KLHL3: variants seen among roughly 807,000 people sequenced by gnomAD.
The protein encoded by KLHL3 is kelch like family member 3.
Under a neutral mutation model 70.5 loss-of-function variants are expected in KLHL3, and 19 were observed. That is an observed-to-expected ratio of 0.27 (90% CI 0.19 to 0.40). The LOEUF is 0.40. Ranked by LOEUF, KLHL3 falls within the 10% of genes least tolerant of loss-of-function variation. The probability of loss-of-function intolerance (pLI) is 1.00; values close to 1 mark genes in which losing one functional copy is unlikely to be tolerated. For missense variants in KLHL3, 512 were observed against 771.1 expected (o/e 0.66, Z 3.98); for synonymous variants, 258 against 290.3 (o/e 0.89, Z 1.13).
At position 137,619,134 on chromosome 5, in the gene KLHL3, G is replaced by A. The variant is rs1167396264; in HGVS notation, c.*2964C>T. 3 of 152,422 alleles carry A rather than the reference G, an allele frequency of 2.0e-5. No homozygotes were observed. Among genetic ancestry groups the A allele is most frequent in the Admixed American group, 2.0e-4 (3 of 15,270 alleles). The allele number at this position is 152,422 out of a possible 1,614,324, so 9.4% of individuals were successfully genotyped here. A position where few individuals can be genotyped will look rare whatever the true frequency, so the allele number is the denominator to read the frequency against. On this transcript the variant is annotated 3_prime_UTR_variant, in exon 15 of 15. Transcript: ENST00000309755. Reference sequence around the variant, plus strand: ...GCTATAGCTTCAATTTTATAAAAAGGCAATCTTTGAAAGGATCTGGCTCAG... The same window carrying A: ...GCTATAGCTTCAATTTTATAAAAAGACAATCTTTGAAAGGATCTGGCTCAG...
intron 1 of KLHL3, among the ~76,000 whole-genome samples, chr5:137,723,981 T>C (rs1235629644): frequency 6.6e-6 from 1 of 152,238 alleles, no homozygotes; most frequent in African/African-American, 2.4e-5. Flanking sequence ...ATATGGGTTT[T>C]TTCCTTTAAT....
At chr5:137,726,553 T>G (rs1753088167) in intron 1 of KLHL3, among the ~76,000 whole-genome samples, 1 of 152,350 alleles carries the variant, frequency 6.6e-6, no homozygotes, top group Non-Finnish European at 1.5e-5. Flanking sequence ...CTTCCTTCTC[T>G]GAATTCCTGT....
intron 14 of KLHL3, among the ~76,000 whole-genome samples, chr5:137,623,851 G>A (rs1191802322): frequency 1.3e-5 from 2 of 152,126 alleles, no homozygotes; most frequent in South Asian, 2.1e-4. Flanking sequence ...TACCTGGCCC[G>A]GAGACCCAGG....
At chr5:137,715,605 T>G (rs539133036) in intron 2 of KLHL3, among the ~76,000 whole-genome samples, 9 of 152,362 alleles carry the variant, frequency 5.9e-5, no homozygotes, top group Non-Finnish European at 1.3e-4. Flanking sequence ...TTAGTCCTCT[T>G]ATCTCCTGCC....
In KLHL3 at chr5:137,639,857, C is replaced by T. The variant is rs551609814; in HGVS notation, c.1021+3G>A. On this transcript the variant is annotated splice_donor_region_variant and intron_variant, in intron 9 of 14. Coordinates refer to ENST00000309755, the MANE Select transcript of KLHL3 (RefSeq NM_017415.3). The surrounding 1 kb of genome is among the most constrained non-coding windows in gnomAD (Gnocchi z 5.0). Reference sequence around the variant, plus strand: ...CAGCTTGCAGAACTGGGAGGCTGCTCACCTGCTCTGCATCTTCTGGAAGGA... The same window carrying T: ...CAGCTTGCAGAACTGGGAGGCTGCTTACCTGCTCTGCATCTTCTGGAAGGA... 1.2e-5 allele frequency: 20 copies of T among 1,610,606 alleles called. No individual in the cohort carries two copies. The South Asian group carries it at 2.2e-4, about 18-fold the overall frequency.
At chr5:137,722,592 A>G (rs1753016299) in intron 1 of KLHL3, among the ~76,000 whole-genome samples, 1 of 152,218 alleles carries the variant, frequency 6.6e-6, no homozygotes, top group African/African-American at 2.4e-5. Flanking sequence ...TTTCTTTACT[A>G]TAAAGCTAGA....
At chr5:137,728,477 C>T (rs1390682345) in intron 1 of KLHL3, among the ~76,000 whole-genome samples, 1 of 152,152 alleles carries the variant, frequency 6.6e-6, no homozygotes, top group Non-Finnish European at 1.5e-5. Flanking sequence ...CTCCACCTCA[C>T]GTTCAGAGAG....
chr5:137,694,760 G>C (rs2149919540), intron 4 of KLHL3, among the ~76,000 whole-genome samples: 1 of 152,208 alleles, frequency 6.6e-6, no homozygotes, highest in Non-Finnish European at 1.5e-5. Flanking sequence ...CTCTCAGAAG[G>C]CCCCTCGCTT....
chr5:137,708,892 A>G (rs17171580), intron 3 of KLHL3, among the ~76,000 whole-genome samples: 29,879 of 152,138 alleles, frequency 0.2, 3,197 homozygotes, highest in African/African-American at 0.27. Flanking sequence ...AGCAGGCACA[A>G]GCACTTGGAA....
At chr5:137,691,864 T>C (rs2905605) in intron 5 of KLHL3, among the ~76,000 whole-genome samples, 118,371 of 151,578 alleles carry the variant, frequency 0.78, 46,462 homozygotes, top group East Asian at 0.98. Context: ...ATGACCCGCC[T>C]GCCTCAGCCT....
rs746387522 is a variant in KLHL3, at chr5:137,716,845, C to T, written c.134+3620G>A. On this transcript the variant is annotated intron_variant, in intron 2 of 14. Transcript: ENST00000309755. ...TGGTGGGGTCTTTTGAAAGGGCTGG[C>T]TTTTGTTAGAACCTTAGGGAGGAAA... Among the ~76,000 whole-genome samples, 16 of 152,120 alleles carry T rather than the reference C, an allele frequency of 1.1e-4. 1 individual carries two copies. Among genetic ancestry groups the T allele is most frequent in the Admixed American group, 1.0e-3 (16 of 15,276 alleles).
At chr5:137,728,098 G>A (rs373554642) in intron 1 of KLHL3, among the ~76,000 whole-genome samples, 23 of 152,248 alleles carry the variant, frequency 1.5e-4, no homozygotes, top group Middle Eastern at 3.4e-3. Context: ...TGAGTTTGGG[G>A]TATTTATTAC....
intron 3 of KLHL3, 61 bp downstream of exon 3, chr5:137,709,689 A>G (rs545894228): frequency 1.1e-5 from 15 of 1,335,554 alleles, no homozygotes; most frequent in Non-Finnish European, 1.6e-5. Context: ...ACCACCCCCA[A>G]CATTCTCCCA....
intron 6 of KLHL3, among the ~76,000 whole-genome samples, chr5:137,664,219 G>A (rs1216301655): frequency 6.6e-6 from 1 of 151,450 alleles, no homozygotes; most frequent in African/African-American, 2.4e-5. Context: ...GCATGGTGGT[G>A]CATGCCTATA....
intron 3 of KLHL3, among the ~76,000 whole-genome samples, chr5:137,702,117 C>T (rs1357002128): frequency 6.6e-6 from 1 of 152,214 alleles, no homozygotes; most frequent in African/African-American, 2.4e-5. Flanking sequence ...TCATGGAGCT[C>T]AGTCTGGTGG....
rs1311154659 is a variant in KLHL3 at position 137,695,707 on chromosome 5, G to A, written c.363+2580C>T. On this transcript the variant is annotated intron_variant, in intron 4 of 14. Coordinates refer to ENST00000309755, the MANE Select transcript of KLHL3 (RefSeq NM_017415.3). ...TCTCCCCACATCAACAGGGCTTTGAGAGGACTTCCTCTTCTCTTATCTTGC... is the reference window on the plus strand; with the variant it reads ...TCTCCCCACATCAACAGGGCTTTGAAAGGACTTCCTCTTCTCTTATCTTGC... Among the ~76,000 whole-genome samples the A allele has an allele frequency of 1.1e-4, 17 of 152,166 alleles. 1 individual carries two copies. The highest frequency in any genetic ancestry group is 1.1e-3 in the Admixed American group (17 of 15,278).
At chr5:137,668,247 TA>T (rs1393099053) in intron 6 of KLHL3, among the ~76,000 whole-genome samples, 1 of 152,074 alleles carries the variant, frequency 6.6e-6, no homozygotes, top group Non-Finnish European at 1.5e-5. Flanking sequence ...CCATCTCTAC[TA>T]AAAACACAAA....
chr5:137,709,685 C>G, intron 3 of KLHL3, 65 bp downstream of exon 3: 2 of 1,298,770 alleles, frequency 1.5e-6, no homozygotes, highest in Admixed American at 1.7e-5. Context: ...TGTCACCACC[C>G]CCAACATTCT....
chr5:137,730,049 G>C (rs1377827459), intron 1 of KLHL3, among the ~76,000 whole-genome samples: 1 of 152,166 alleles, frequency 6.6e-6, no homozygotes, highest in East Asian at 1.9e-4. Flanking sequence ...AACATTTCCT[G>C]AAAGTTGAGG....
Sources: allele counts gnomAD v4.1 joint callset (sites outside exome capture counted in the v4.1 genomes callset), GRCh38; gene constraint gnomAD v4.1.1; non-coding constraint Gnocchi (gnomAD v3.1); transcripts MANE v1.5; gene names NCBI Gene and HGNC (gene_info 2026-07-23, HGNC 2026-07-21).